The following RYR2 variants were observed in gnomAD, a reference collection of about 807,000 sequenced individuals.
RYR2 encodes cardiac muscle ryanodine receptor-calcium release channel.
In RYR2, 227 loss-of-function variants were observed where a neutral mutation model predicts 601.1. That is an observed-to-expected ratio of 0.38 (90% CI 0.34 to 0.42). RYR2 has a LOEUF of 0.42. Ranked by LOEUF, RYR2 falls within the 10% of genes least tolerant of loss-of-function variation. The pLI, the probability that RYR2 is intolerant of heterozygous loss-of-function variation, is 1.00. For missense variants in RYR2, 4,646 were observed against 6,156.5 expected (o/e 0.75, Z 8.21); for synonymous variants, 2,223 against 2,175.1 (o/e 1.02, Z -0.61).
intron 2 of RYR2, among the ~76,000 whole-genome samples, chr1:237,276,991 G>A (rs943845130): frequency 2.6e-5 from 4 of 151,972 alleles, no homozygotes; most frequent in South Asian, 2.1e-4. Context: ...TTTATAGATC[G>A]ATTTCAGTTT....
intron 16 of RYR2, among the ~76,000 whole-genome samples, chr1:237,460,611 C>CG (rs1659366970): frequency 6.6e-6 from 1 of 152,122 alleles, no homozygotes; most frequent in Admixed American, 6.5e-5. Context: ...TTAATAAATA[C>CG]GTTACAGAGA....
intron 46 of RYR2, among the ~76,000 whole-genome samples, chr1:237,639,686 G>A (rs746630765): frequency 2.0e-5 from 3 of 152,108 alleles, no homozygotes; most frequent in African/African-American, 2.4e-5. Flanking sequence ...AGACAGATAC[G>A]AGAAGCAGTC....
chr1:237,818,238 A>C (rs1373667109), intron 100 of RYR2, among the ~76,000 whole-genome samples: 2 of 152,168 alleles, frequency 1.3e-5, no homozygotes, highest in Non-Finnish European at 2.9e-5. Context: ...ATCTGGAGAT[A>C]TCTGTTATTG....
chr1:237,161,312 A>G (rs1675983484), intron 1 of RYR2, among the ~76,000 whole-genome samples: 1 of 151,288 alleles, frequency 6.6e-6, no homozygotes, highest in Non-Finnish European at 1.5e-5. Context: ...TACCTTCCAC[A>G]CTGTATAAAA....
At chr1:237,470,498 T>C (rs1364168791) in intron 17 of RYR2, among the ~76,000 whole-genome samples, 1 of 152,146 alleles carries the variant, frequency 6.6e-6, no homozygotes, top group African/African-American at 2.4e-5. Context: ...TAGTGAGTTC[T>C]TGGGCACTGC....
chr1:237,583,266 A>G (rs1217577030), intron 29 of RYR2, among the ~76,000 whole-genome samples: 1 of 151,922 alleles, frequency 6.6e-6, no homozygotes, highest in Non-Finnish European at 1.5e-5. Context: ...CATTTTTTAA[A>G]TGGGGGTGAT....
chr1:237,649,772 G>A lies in RYR2; in HGVS notation c.7513-105G>A, dbSNP rs151085078. 4.0e-3 allele frequency: 3,573 copies of A among 892,008 alleles called. 46 individuals are homozygous for A. Among genetic ancestry groups the A allele is most frequent in the South Asian group, 0.028 (1,696 of 60,296 alleles). 55.3% of individuals were successfully genotyped at this position (892,008 alleles called of 1,614,324 possible). On this transcript the variant is annotated intron_variant, in intron 49 of 104. Coordinates refer to ENST00000366574, the MANE Select transcript of RYR2 (RefSeq NM_001035.3). Reference sequence around the variant, plus strand: ...AGAATACATTTCCATGTGTCATAGTGCTATCATCTTCCGGATAGTGAAATT... The same window carrying A: ...AGAATACATTTCCATGTGTCATAGTACTATCATCTTCCGGATAGTGAAATT...
chr1:237,687,360 C>CTTTTTT, intron 62 of RYR2, 95 bp from the exon 63 acceptor site: 3 of 492,268 alleles, frequency 6.1e-6, no homozygotes, highest in South Asian at 2.8e-5. Context: ...TTTCTTTTTT[C>CTTTTTT]TTCTTCTTTT....
intron 29 of RYR2, among the ~76,000 whole-genome samples, chr1:237,574,368 G>C (rs988603111): frequency 2.6e-5 from 4 of 152,094 alleles, no homozygotes; most frequent in African/African-American, 9.7e-5. Context: ...CACTCTTATG[G>C]ACAGAATCCC....
chr1:237,322,276 CACCTACACAACT>C (rs1695697226), intron 2 of RYR2, among the ~76,000 whole-genome samples: 1 of 152,164 alleles, frequency 6.6e-6, no homozygotes, highest in Non-Finnish European at 1.5e-5. Flanking sequence ...ATCATCTTAT[CACCTACACAACT>C]TTAATTGTGG....
intron 103 of RYR2, among the ~76,000 whole-genome samples, chr1:237,831,107 G>A (rs972127636): frequency 6.6e-6 from 1 of 152,074 alleles, no homozygotes; most frequent in Non-Finnish European, 1.5e-5. Flanking sequence ...TTGGTAAAAT[G>A]CTATTCTTAC....
intron 24 of RYR2, among the ~76,000 whole-genome samples, chr1:237,529,820 G>T (rs10925448): frequency 0.06 from 8,531 of 142,726 alleles, 304 homozygotes; most frequent in Middle Eastern, 0.19. Context: ...GCTTTAGTAG[G>T]TACATAGACT....
intron 2 of RYR2, among the ~76,000 whole-genome samples, chr1:237,287,400 G>A (rs1380319971): frequency 2.0e-5 from 3 of 152,132 alleles, no homozygotes; most frequent in Non-Finnish European, 4.4e-5. Context: ...CCCCAAATAT[G>A]TTTTCCAAGG....
chr1:237,088,495 T>C (rs1454712428), intron 1 of RYR2, among the ~76,000 whole-genome samples: 1 of 152,240 alleles, frequency 6.6e-6, no homozygotes, highest in Non-Finnish European at 1.5e-5. Flanking sequence ...CTTTTCGCAA[T>C]TTATTATCTC....
intron 1 of RYR2, among the ~76,000 whole-genome samples, chr1:237,082,062 C>A (rs1351489307): frequency 6.6e-6 from 1 of 152,094 alleles, no homozygotes; most frequent in African/African-American, 2.4e-5. Flanking sequence ...TCAGCGAGGT[C>A]CCCAGGGAGA....
intron 17 of RYR2, among the ~76,000 whole-genome samples, chr1:237,486,533 C>CCCTT (rs146273102): frequency 6.6e-6 from 1 of 151,642 alleles, no homozygotes; most frequent in Non-Finnish European, 1.5e-5. Flanking sequence ...ACTTAAAAGA[C>CCCTT]TCCATAGATT....
Position 237,786,335 on chromosome 1 carries a change from G to A in RYR2, c.13328+299G>A, listed in dbSNP as rs561735402. On this transcript the variant is annotated intron_variant, in intron 91 of 104. Transcript: ENST00000366574. ...CCAGTGATTGCATGGAATGCTGTTT[G>A]TAAGAGGACTCAGGGCCACAATTCT... 7.9e-5 allele frequency among the ~76,000 whole-genome samples: 12 copies of A among 152,336 alleles called. No homozygotes were observed. In the South Asian group the frequency reaches 2.5e-3, roughly 32 times the overall value.
At chr1:237,583,398 G>A (rs917277407) in intron 29 of RYR2, among the ~76,000 whole-genome samples, 2 of 152,102 alleles carry the variant, frequency 1.3e-5, no homozygotes, top group African/African-American at 4.8e-5. Context: ...CAGCATTCTT[G>A]ATTCAAATTC....
intron 10 of RYR2, among the ~76,000 whole-genome samples, chr1:237,399,428 T>A (rs573484568): frequency 6.6e-6 from 1 of 152,178 alleles, no homozygotes; most frequent in African/African-American, 2.4e-5. Flanking sequence ...AAAGGGCAAC[T>A]TGAAGGAACT....
Sources: allele counts gnomAD v4.1 joint callset (sites outside exome capture counted in the v4.1 genomes callset), GRCh38; gene constraint gnomAD v4.1.1; transcripts MANE v1.5; gene names NCBI Gene and HGNC (gene_info 2026-07-23, HGNC 2026-07-21).